Variants in MRPL3 observed in about 807,000 individuals in gnomAD.
MRPL3 encodes the protein mitochondrial ribosomal protein L3.
MRPL3 carries 43 observed loss-of-function variants against 44.3 expected under a neutral mutation model. The observed-to-expected ratio is 0.97, with a 90% CI of 0.76 to 1.25. The LOEUF (loss-of-function observed/expected upper bound fraction) is 1.25, where lower values mean the gene tolerates loss of function less well. MRPL3 is among the 50% of genes most tolerant of loss of function. The pLI, the probability that MRPL3 is intolerant of heterozygous loss-of-function variation, is 0.00. For synonymous variants in MRPL3, 171 were observed against 152.3 expected (o/e 1.12, Z -0.91); for missense variants, 406 against 427.6 (o/e 0.95, Z 0.45).
At chr3:131,482,647 T>C (rs561286849) in intron 6 of MRPL3, among the ~76,000 whole-genome samples, 159 of 152,282 alleles carry the variant, frequency 1.0e-3, no homozygotes, top group African/African-American at 3.6e-3. Flanking sequence ...CCTGAAAATA[T>C]GAGTTGTTTT....
At chr3:131,485,897 T>C (rs957553906) in intron 6 of MRPL3, among the ~76,000 whole-genome samples, 3 of 152,142 alleles carry the variant, frequency 2.0e-5, no homozygotes, top group Admixed American at 6.5e-5. Context: ...ATTACAAACT[T>C]ATCCCAGAGC....
chr3:131,473,460 G>A (rs527345554), intron 6 of MRPL3, among the ~76,000 whole-genome samples: 2 of 151,906 alleles, frequency 1.3e-5, no homozygotes, highest in African/African-American at 4.8e-5. Flanking sequence ...AGAAGAAAAT[G>A]TAGGGGAAAT....
At chr3:131,467,270 A>G (rs1033236365) in intron 9 of MRPL3, among the ~76,000 whole-genome samples, 3 of 151,802 alleles carry the variant, frequency 2.0e-5, no homozygotes, top group Non-Finnish European at 4.4e-5. Flanking sequence ...ACACACACAC[A>G]CACCCACCAC....
intron 6 of MRPL3, among the ~76,000 whole-genome samples, chr3:131,486,382 A>C (rs1032104870): frequency 4.7e-5 from 7 of 149,538 alleles, no homozygotes; most frequent in African/African-American, 1.7e-4. Context: ...AAAAAAAAAA[A>C]AAAAAAAAAC....
At chr3:131,494,203 A>C (rs567177066) in intron 4 of MRPL3, among the ~76,000 whole-genome samples, 6 of 152,336 alleles carry the variant, frequency 3.9e-5, no homozygotes, top group Admixed American at 6.5e-5. Flanking sequence ...GAGTTCTCTC[A>C]AGAAGCTATC....
At chr3:131,496,555 C>T (rs969007600) in intron 4 of MRPL3, among the ~76,000 whole-genome samples, 6 of 152,174 alleles carry the variant, frequency 3.9e-5, no homozygotes, top group Admixed American at 6.5e-5. Context: ...GTGAACATCT[C>T]AAACATCTTT....
intron 5 of MRPL3, among the ~76,000 whole-genome samples, chr3:131,489,600 T>C (rs903495616): frequency 1.5e-4 from 23 of 152,128 alleles, no homozygotes; most frequent in Non-Finnish European, 3.1e-4. Flanking sequence ...TGAGGTGCTA[T>C]GGTCGGTCCC....
At chr3:131,479,333 A>G (rs1246921452) in intron 6 of MRPL3, 1 of 278,414 alleles carries the variant, frequency 3.6e-6, no homozygotes, top group East Asian at 9.4e-5. Flanking sequence ...CCAAATGGAG[A>G]AAGGACACTT....
intron 9 of MRPL3, among the ~76,000 whole-genome samples, chr3:131,465,464 T>C (rs1327134975): frequency 6.6e-6 from 1 of 152,194 alleles, no homozygotes; most frequent in South Asian, 2.1e-4. Context: ...GTAGAAGTAC[T>C]TGAGAAGATG....
chr3:131,462,793 T>G lies in MRPL3; in HGVS notation c.977A>C (p.Glu326Ala). 1 of 1,613,322 alleles carries G rather than the reference T, an allele frequency of 6.2e-7. No homozygotes were observed. The highest frequency in any genetic ancestry group is 8.5e-7 in the Non-Finnish European group (1 of 1,179,526). Residue 326 changes from glutamate to alanine, a missense_variant, in exon 10 of 10, where the codon GAG becomes GCG. Coordinates refer to ENST00000264995, the MANE Select transcript of MRPL3 (RefSeq NM_007208.4). ...ATCATACAAATCTTCTGGCAGTTCCTCTTCATCTCCATCAGGAAAATATGT... is the reference window on the plus strand; with the variant it reads ...ATCATACAAATCTTCTGGCAGTTCCGCTTCATCTCCATCAGGAAAATATGT... ...FPTYFPDGDEEELPEDLYDEN... is the reference protein window; with the variant it reads ...FPTYFPDGDEAELPEDLYDEN...
At chr3:131,502,600 C>G in intron 1 of MRPL3, 130 bp downstream of exon 1, 4 of 722,924 alleles carry the variant, frequency 5.5e-6, no homozygotes, top group Non-Finnish European at 9.0e-6. Flanking sequence ...GTTAACGGCC[C>G]TTATTCTTCT....
At chr3:131,488,862 C>G (rs993886422) in intron 5 of MRPL3, 1 of 151,944 alleles carries the variant, frequency 6.6e-6, no homozygotes, top group African/African-American at 2.4e-5. Context: ...ATCAAAACAT[C>G]ACACTGTATC....
chr3:131,488,960 T>C (rs1237074319), intron 5 of MRPL3, among the ~76,000 whole-genome samples: 1 of 152,040 alleles, frequency 6.6e-6, no homozygotes, highest in African/African-American at 2.4e-5. Context: ...TGAGGCTGAA[T>C]TGCTGATTTT....
At chr3:131,465,891 C>T (rs796638516) in intron 9 of MRPL3, among the ~76,000 whole-genome samples, 5 of 133,366 alleles carry the variant, frequency 3.7e-5, no homozygotes, top group African/African-American at 1.2e-4. Context: ...CTTTTTCTCT[C>T]TTTTTTTTTT....
At chr3:131,489,937 A>G in intron 5 of MRPL3, 44 bp downstream of exon 5, 3 of 1,205,506 alleles carry the variant, frequency 2.5e-6, no homozygotes, top group Non-Finnish European at 3.7e-6. Context: ...CAAATTGCAT[A>G]TTTGGGTATT....
intron 1 of MRPL3, 77 bp downstream of exon 1, chr3:131,502,653 G>A (rs1934523535): frequency 8.0e-7 from 1 of 1,249,756 alleles, no homozygotes; most frequent in African/African-American, 1.5e-5. Context: ...TCCACCCAGG[G>A]GAGGCCCAAC....
chr3:131,465,438 T>G (rs1933578758), intron 9 of MRPL3, among the ~76,000 whole-genome samples: 1 of 152,174 alleles, frequency 6.6e-6, no homozygotes, highest in East Asian at 1.9e-4. Context: ...TCATCTCTGC[T>G]GGTAACAGGG....
At chr3:131,493,101 G>A (rs1008488195) in intron 4 of MRPL3, among the ~76,000 whole-genome samples, 6 of 151,992 alleles carry the variant, frequency 3.9e-5, no homozygotes, top group African/African-American at 7.3e-5. Flanking sequence ...TGAAGAACCC[G>A]CAGGCCCCCA....
chr3:131,489,175 T>TC (rs1379182143), intron 5 of MRPL3, among the ~76,000 whole-genome samples: 1 of 152,146 alleles, frequency 6.6e-6, no homozygotes, highest in Non-Finnish European at 1.5e-5. Context: ...TTAAAGTATT[T>TC]CCATTATAAA....
Sources: gnomAD v4.1 joint callset for allele counts (sites outside exome capture counted in the v4.1 genomes callset) on GRCh38, gnomAD v4.1.1 for gene constraint, MANE v1.5 for transcripts, NCBI Gene and HGNC (gene_info 2026-07-23, HGNC 2026-07-21) for gene names.